The following MAGI1 variants were observed in gnomAD, a reference collection of about 807,000 sequenced individuals.
MAGI1 encodes the protein membrane associated guanylate kinase, WW and PDZ domain containing 1.
Under a neutral mutation model 139.9 loss-of-function variants are expected in MAGI1, and 58 were observed. That is an observed-to-expected ratio of 0.41 (90% CI 0.34 to 0.52). The LOEUF is 0.52. Ranked by LOEUF, MAGI1 falls within the 20% of genes least tolerant of loss-of-function variation. The pLI is 0.12. For synonymous variants in MAGI1, 812 were observed against 737.9 expected (o/e 1.10, Z -1.63); for missense variants, 1,874 against 1,901.6 (o/e 0.99, Z 0.27).
At chr3:65,830,415 AGTTT>A (rs959284315) in intron 1 of MAGI1, among the ~76,000 whole-genome samples, 5 of 152,194 alleles carry the variant, frequency 3.3e-5, no homozygotes, top group Admixed American at 3.3e-4. Context: ...GGCATAATTT[AGTTT>A]ATCACCAACC....
intron 1 of MAGI1, among the ~76,000 whole-genome samples, chr3:65,692,092 G>C (rs1435043508): frequency 6.6e-6 from 1 of 151,720 alleles, no homozygotes. Context: ...GACAAGTATA[G>C]GTATATAAGA....
rs527462025 is a variant in MAGI1, at chr3:65,727,890, A to G, written c.314-105802T>C. On this transcript the variant is annotated intron_variant, in intron 1 of 22. Transcript: ENST00000402939. ...AAGTGAAAATTATGTTATACTTTTA[A>G]GGATGATATATCAATCCGGGTGATG... is the stretch of plus-strand genomic sequence containing the variant. Among the ~76,000 whole-genome samples the G allele has an allele frequency of 7.9e-5, 12 of 152,328 alleles. No homozygotes were observed. The South Asian group carries it at 2.1e-3, about 26-fold the overall frequency.
At chr3:65,782,613 C>CAAA (rs56367932) in intron 1 of MAGI1, among the ~76,000 whole-genome samples, 4 of 60,540 alleles carry the variant, frequency 6.6e-5, no homozygotes, top group Admixed American at 2.7e-4. Flanking sequence ...ATTTCTTAAG[C>CAAA]AAAAAAAAAA....
In MAGI1 at chr3:65,449,603, C is replaced by T. The variant is rs369122257; in HGVS notation, c.1043-1546G>A. On this transcript the variant is annotated intron_variant, in intron 6 of 22. Coordinates refer to ENST00000402939, the MANE Select transcript of MAGI1 (RefSeq NM_001033057.2). ...CAGCCTGGCCAACATGGTGAAACCC[C>T]GACTCTATTAAAAATACAAAAAAAT... Among the ~76,000 whole-genome samples, 73 of 152,018 alleles carry T rather than the reference C, an allele frequency of 4.8e-4. 1 individual carries two copies. The East Asian group carries it at 0.011, about 23-fold the overall frequency.
intron 4 of MAGI1, among the ~76,000 whole-genome samples, chr3:65,472,976 C>T (rs1037532889): frequency 3.9e-5 from 6 of 152,190 alleles, no homozygotes; most frequent in Non-Finnish European, 7.3e-5. Context: ...CTGGCTTTAC[C>T]ATTTACTGAT....
At chr3:65,621,340 T>C in intron 2 of MAGI1, among the ~76,000 whole-genome samples, 1 of 152,248 alleles carries the variant, frequency 6.6e-6, no homozygotes, top group East Asian at 1.9e-4. Context: ...TTAAAGACAC[T>C]CTGCTTTCAG....
At chr3:65,900,893 T>C (rs757401026) in intron 1 of MAGI1, among the ~76,000 whole-genome samples, 1 of 152,100 alleles carries the variant, frequency 6.6e-6, no homozygotes, top group East Asian at 1.9e-4. Flanking sequence ...GAGGAAGAAG[T>C]ATATGCTAGG....
intron 1 of MAGI1, among the ~76,000 whole-genome samples, chr3:65,885,711 G>A (rs1018226716): frequency 6.6e-6 from 1 of 152,134 alleles, no homozygotes; most frequent in Non-Finnish European, 1.5e-5. Flanking sequence ...ACTTGACTTT[G>A]CTCCTCCTTC....
intron 1 of MAGI1, among the ~76,000 whole-genome samples, chr3:65,681,723 T>G (rs2087603440): frequency 6.6e-6 from 1 of 152,226 alleles, no homozygotes; most frequent in Admixed American, 6.5e-5. Context: ...CATATCTTCA[T>G]CCCCATTCTC....
intron 1 of MAGI1, among the ~76,000 whole-genome samples, chr3:65,713,093 G>A (rs1046137381): frequency 4.6e-5 from 7 of 152,192 alleles, no homozygotes; most frequent in Non-Finnish European, 7.3e-5. Flanking sequence ...CCTAGAGAGA[G>A]AATAGCTTTC....
intron 13 of MAGI1, among the ~76,000 whole-genome samples, chr3:65,399,414 C>T (rs1194777557): frequency 6.6e-6 from 1 of 152,192 alleles, no homozygotes; most frequent in Non-Finnish European, 1.5e-5. Context: ...GTTAGCAGCA[C>T]TTTACATCCA....
chr3:65,742,679 ACTT>A (rs2107787869), intron 1 of MAGI1, among the ~76,000 whole-genome samples: 1 of 152,346 alleles, frequency 6.6e-6, no homozygotes, highest in Non-Finnish European at 1.5e-5. Context: ...CAACCACACT[ACTT>A]CATGCGCTCT....
At chr3:65,926,444 T>C (rs1237173877) in intron 1 of MAGI1, among the ~76,000 whole-genome samples, 3 of 150,610 alleles carry the variant, frequency 2.0e-5, no homozygotes, top group Non-Finnish European at 4.4e-5. Context: ...AGGGGCTAGA[T>C]AAAATAAGAC....
chr3:65,392,564 C>A (rs1237866016), intron 13 of MAGI1, among the ~76,000 whole-genome samples: 2 of 152,082 alleles, frequency 1.3e-5, no homozygotes, highest in Non-Finnish European at 2.9e-5. Flanking sequence ...TTATAGAGCC[C>A]AAATCTTCCA....
At chr3:66,015,796 A>G (rs2107527149) in intron 1 of MAGI1, among the ~76,000 whole-genome samples, 1 of 152,084 alleles carries the variant, frequency 6.6e-6, no homozygotes, top group Admixed American at 6.5e-5. Flanking sequence ...TTATTGGAAA[A>G]TGTCTATACG....
At chr3:65,888,329 A>G (rs574654230) in intron 1 of MAGI1, among the ~76,000 whole-genome samples, 63 of 152,324 alleles carry the variant, frequency 4.1e-4, no homozygotes, top group African/African-American at 1.2e-3. Flanking sequence ...AAGGAAGACT[A>G]TGTCTTTCAT....
chr3:65,575,457 G>C (rs1483445703), intron 2 of MAGI1, among the ~76,000 whole-genome samples: 1 of 152,082 alleles, frequency 6.6e-6, no homozygotes, highest in Non-Finnish European at 1.5e-5. Context: ...AATCACTCTG[G>C]GAAGGTTAAG....
intron 14 of MAGI1, among the ~76,000 whole-genome samples, chr3:65,384,278 A>T (rs745359004): frequency 5.3e-5 from 8 of 152,220 alleles, no homozygotes; most frequent in Non-Finnish European, 4.4e-5. Flanking sequence ...GCATCCTTAG[A>T]TTCAACCAAT....
At chr3:65,747,146 G>C (rs546926678) in intron 1 of MAGI1, among the ~76,000 whole-genome samples, 1 of 152,210 alleles carries the variant, frequency 6.6e-6, no homozygotes, top group Non-Finnish European at 1.5e-5. Flanking sequence ...GTCACCTAAA[G>C]GATGAATAAG....
Sources: gnomAD v4.1 joint callset for allele counts (sites outside exome capture counted in the v4.1 genomes callset) on GRCh38, gnomAD v4.1.1 for gene constraint, MANE v1.5 for transcripts, NCBI Gene and HGNC (gene_info 2026-07-23, HGNC 2026-07-21) for gene names.